The following ATP10B variants were observed in gnomAD, a reference collection of about 807,000 sequenced individuals.
ATP10B encodes the protein ATPase phospholipid transporting 10B (putative), also known as phospholipid-transporting ATPase VB.
Under a neutral mutation model 141.2 loss-of-function variants are expected in ATP10B, and 122 were observed. The observed-to-expected ratio is 0.86, with a 90% CI of 0.75 to 1.00. ATP10B has a LOEUF of 1.00. Ranked by LOEUF, ATP10B falls within the 50% of genes least tolerant of loss-of-function variation. The probability of loss-of-function intolerance (pLI) is 0.00; values close to 1 mark genes in which losing one functional copy is unlikely to be tolerated. For missense variants in ATP10B, 1,876 were observed against 1,825.3 expected, an observed-to-expected ratio of 1.03 and a Z score of -0.51; for synonymous variants, 685 against 692.0, an observed-to-expected ratio of 0.99 and a Z score of 0.16.
intron 22 of ATP10B, among the ~76,000 whole-genome samples, chr5:160,594,413 A>C (rs934844190): frequency 6.6e-6 from 1 of 152,150 alleles, no homozygotes; most frequent in Non-Finnish European, 1.5e-5. Context: ...AGGAACAACC[A>C]GTACCAGCCA....
At chr5:160,633,464 A>G (rs983559172) in intron 12 of ATP10B, 4 of 152,192 alleles carry the variant, frequency 2.6e-5, no homozygotes, top group African/African-American at 9.7e-5. Flanking sequence ...CAGAAAACCA[A>G]ATACTGCTTG....
At chr5:160,818,820 TA>T (rs995652474) in intron 1 of ATP10B, among the ~76,000 whole-genome samples, 67 of 152,288 alleles carry the variant, frequency 4.4e-4, no homozygotes, top group African/African-American at 1.6e-3. Context: ...TATGCAGCCA[TA>T]AAAAATGATG....
intron 1 of ATP10B, among the ~76,000 whole-genome samples, chr5:160,849,717 C>T (rs1753682719): frequency 6.6e-6 from 1 of 151,936 alleles, no homozygotes; most frequent in African/African-American, 2.4e-5. Context: ...AACTGTAATT[C>T]ATATGCAAGT....
chr5:160,602,884 C>A, intron 20 of ATP10B, 182 bp from the exon 21 acceptor site: 1 of 652,884 alleles, frequency 1.5e-6, no homozygotes, highest in East Asian at 3.2e-5. Flanking sequence ...CTGGGAAATC[C>A]AAACCTCTCT....
rs371448282 is a variant in ATP10B, at chr5:160,599,645, T to C, written c.3364-675A>G. ...GTAGGACGGTGACCTCGTGAGAAGG[T>C]TGACTTCACTGTACTTTCCTAATGG... On this transcript the variant is annotated intron_variant, in intron 21 of 25. Transcript: ENST00000327245. Among the ~76,000 whole-genome samples, 25 of 152,258 alleles carry C rather than the reference T, an allele frequency of 1.6e-4. 2 individuals are homozygous for C. The highest frequency in any genetic ancestry group is 9.8e-4 in the Admixed American group (15 of 15,292).
the ATP10B span, among the ~76,000 whole-genome samples, chr5:160,904,062 G>T: frequency 6.6e-6 from 1 of 152,114 alleles, no homozygotes. Context: ...TTCCTGATGA[G>T]GTTACCACCT....
chr5:160,883,344 T>G, the ATP10B span, among the ~76,000 whole-genome samples: 1 of 152,288 alleles, frequency 6.6e-6, no homozygotes, highest in South Asian at 2.1e-4. Flanking sequence ...AGACCTGTGG[T>G]GAGGACAGAA....
At chr5:160,727,412 C>G (rs1398447709) in intron 2 of ATP10B, among the ~76,000 whole-genome samples, 1 of 152,132 alleles carries the variant, frequency 6.6e-6, no homozygotes, top group Non-Finnish European at 1.5e-5. Context: ...TTTGTGAAAA[C>G]AAAGGTAAAG....
intron 6 of ATP10B, among the ~76,000 whole-genome samples, chr5:160,673,494 A>G (rs2033459): frequency 0.66 from 99,336 of 151,648 alleles, 33,028 homozygotes; most frequent in Middle Eastern, 0.78. Flanking sequence ...TCACCGTTGT[A>G]CTATCACATA....
chr5:160,584,106 T>C (rs1218644394), intron 24 of ATP10B, among the ~76,000 whole-genome samples: 1 of 151,904 alleles, frequency 6.6e-6, no homozygotes, highest in Non-Finnish European at 1.5e-5. Flanking sequence ...CCTGCAGCTA[T>C]CTCCATGTCT....
intron 2 of ATP10B, among the ~76,000 whole-genome samples, chr5:160,785,203 G>A (rs1169109927): frequency 1.3e-5 from 2 of 151,970 alleles, no homozygotes; most frequent in Non-Finnish European, 2.9e-5. Flanking sequence ...TTCTTATGAG[G>A]GCCAACAACT....
At chr5:160,863,181 A>G in the ATP10B span, among the ~76,000 whole-genome samples, 1 of 151,890 alleles carries the variant, frequency 6.6e-6, no homozygotes, top group African/African-American at 2.4e-5. Context: ...TGATGCTCCC[A>G]CTCGTTAGTG....
chr5:160,598,485 T>C (rs1484658877), intron 22 of ATP10B, among the ~76,000 whole-genome samples: 1 of 151,884 alleles, frequency 6.6e-6, no homozygotes, highest in Non-Finnish European at 1.5e-5. Context: ...CATGTATACA[T>C]ATGAAATTAA....
At chr5:160,727,930 A>G (rs988547401) in intron 2 of ATP10B, among the ~76,000 whole-genome samples, 1 of 152,196 alleles carries the variant, frequency 6.6e-6, no homozygotes, top group Non-Finnish European at 1.5e-5. Flanking sequence ...AGGACATACC[A>G]ATTGTAACTT....
chr5:160,602,814 G>C (rs1369328062), intron 20 of ATP10B, 112 bp from the exon 21 acceptor site: 8 of 1,468,018 alleles, frequency 5.4e-6, no homozygotes, highest in Non-Finnish European at 7.4e-6. Context: ...GAGTCCTAAA[G>C]ACCCCTTGTT....
chr5:160,723,145 C>T (rs1201410661), intron 2 of ATP10B, among the ~76,000 whole-genome samples: 1 of 152,154 alleles, frequency 6.6e-6, no homozygotes, highest in Non-Finnish European at 1.5e-5. Context: ...GTGCCTATGT[C>T]AAGAGAGATG....
intron 22 of ATP10B, among the ~76,000 whole-genome samples, chr5:160,596,949 G>A (rs1285107722): frequency 1.3e-5 from 2 of 152,064 alleles, no homozygotes; most frequent in African/African-American, 4.8e-5. Context: ...AATCAATATT[G>A]TGAAAATGGC....
chr5:160,841,706 C>T (rs1262098532), intron 1 of ATP10B, among the ~76,000 whole-genome samples: 3 of 152,098 alleles, frequency 2.0e-5, no homozygotes, highest in African/African-American at 7.2e-5. Context: ...CCTAGTTTTA[C>T]ATAGGATTTC....
chr5:160,586,966 T>C (rs1755950648), intron 24 of ATP10B, among the ~76,000 whole-genome samples: 1 of 152,226 alleles, frequency 6.6e-6, no homozygotes, highest in Non-Finnish European at 1.5e-5. Flanking sequence ...CTCTTTAGTT[T>C]AGTAAATTTT....
Sources: gnomAD v4.1 joint callset for allele counts (sites outside exome capture counted in the v4.1 genomes callset) on GRCh38, gnomAD v4.1.1 for gene constraint, MANE v1.5 for transcripts, NCBI Gene and HGNC (gene_info 2026-07-23, HGNC 2026-07-21) for gene names.